Variants in PCSK5 observed in about 807,000 individuals in gnomAD.
PCSK5 encodes prohormone convertase 5.
Under a neutral mutation model 233.2 loss-of-function variants are expected in PCSK5, and 129 were observed. The ratio of observed to expected loss-of-function variants is 0.55; its 90% confidence interval spans 0.48 to 0.64. PCSK5 has a LOEUF of 0.64. PCSK5 is among the 30% of genes least tolerant of loss of function. The pLI, the probability that PCSK5 is intolerant of heterozygous loss-of-function variation, is 0.00. For missense variants in PCSK5, 2,076 were observed against 2,430.1 expected (o/e 0.85, Z 3.06); for synonymous variants, 825 against 879.2 (o/e 0.94, Z 1.09).
chr9:76,177,192 G>A (rs898261019), intron 14 of PCSK5, among the ~76,000 whole-genome samples: 1 of 152,080 alleles, frequency 6.6e-6, no homozygotes, highest in Non-Finnish European at 1.5e-5. Flanking sequence ...TACTGGAGAG[G>A]CTGAGGCACA....
intron 24 of PCSK5, among the ~76,000 whole-genome samples, chr9:76,264,377 A>G (rs1827271716): frequency 6.6e-6 from 1 of 152,118 alleles, no homozygotes; most frequent in Admixed American, 6.6e-5. Context: ...CTAGGAAGCA[A>G]CATTCTGGAT....
chr9:76,043,524 C>A (rs1829224509), intron 5 of PCSK5, among the ~76,000 whole-genome samples: 1 of 151,730 alleles, frequency 6.6e-6, no homozygotes, highest in African/African-American at 2.4e-5. Flanking sequence ...TATGAATTAA[C>A]CTTTGATTTG....
intron 4 of PCSK5, among the ~76,000 whole-genome samples, chr9:76,026,567 G>C (rs557750037): frequency 6.6e-6 from 1 of 152,144 alleles, no homozygotes; most frequent in Non-Finnish European, 1.5e-5. Context: ...AGTAGGGAGA[G>C]AGTCTATGGA....
intron 20 of PCSK5, among the ~76,000 whole-genome samples, chr9:76,217,475 C>T (rs1825578500): frequency 2.0e-5 from 3 of 152,300 alleles, no homozygotes; most frequent in South Asian, 4.1e-4. Context: ...ATCCATCTGG[C>T]CATTTTCTTA....
intron 27 of PCSK5, among the ~76,000 whole-genome samples, chr9:76,297,970 C>G (rs1015458239): frequency 2.0e-5 from 3 of 152,196 alleles, no homozygotes; most frequent in African/African-American, 4.8e-5. Context: ...ATTTCAGAGA[C>G]AGAGCCGAGA....
chr9:76,156,909 G>C lies in PCSK5; in HGVS notation c.1313-136G>C, dbSNP rs1480166765. 8.6e-5 allele frequency: 58 copies of C among 673,714 alleles called. 1 individual carries two copies. The East Asian group carries it at 1.1e-3, about 12-fold the overall frequency. 41.7% of individuals were successfully genotyped at this position (673,714 alleles called of 1,614,324 possible). ...CTTGACATGACTATGTATTTGTTTT[G>C]CTGGATTTATTTCTCAAATCATTGC... On this transcript the variant is annotated intron_variant, in intron 10 of 37. Coordinates refer to ENST00000674117, the MANE Select transcript of PCSK5 (RefSeq NM_001372043.1).
rs574037799 is a variant in PCSK5, at chr9:76,064,547, G to C, written c.633-3408G>C. ...CTCCCTCCCGGACGGGGTGGCTGCC[G>C]GGCGGAGACGCTCCTCACTTCCCAG... On this transcript the variant is annotated intron_variant, in intron 5 of 37. Coordinates refer to ENST00000674117, the MANE Select transcript of PCSK5 (RefSeq NM_001372043.1). Among the ~76,000 whole-genome samples the C allele has an allele frequency of 4.0e-3, 602 of 150,168 alleles. 3 individuals carry two copies. The highest frequency in any genetic ancestry group is 0.024 in the South Asian group (112 of 4,758).
chr9:76,046,160 G>GTTTTTTTTTTTTGTTT (rs1829368683), intron 5 of PCSK5, among the ~76,000 whole-genome samples: 1 of 58,024 alleles, frequency 1.7e-5, no homozygotes, highest in African/African-American at 6.8e-5. Flanking sequence ...TTTTTCTTTT[G>GTTTTTTTTTTTTGTTT]TTTTTTTTTT....
chr9:76,100,497 C>T (rs1396368834), intron 8 of PCSK5, among the ~76,000 whole-genome samples: 2 of 152,146 alleles, frequency 1.3e-5, no homozygotes, highest in Non-Finnish European at 2.9e-5. Flanking sequence ...AAAACTAAAG[C>T]TTGAGAAGTT....
chr9:76,096,931 AT>A (rs1587622562), intron 8 of PCSK5, among the ~76,000 whole-genome samples: 1 of 145,154 alleles, frequency 6.9e-6, no homozygotes, highest in African/African-American at 2.6e-5. Flanking sequence ...TTTTATTTTT[AT>A]TTTTTATTTT....
intron 35 of PCSK5, among the ~76,000 whole-genome samples, chr9:76,340,457 C>A (rs1311259687): frequency 1.3e-5 from 2 of 151,062 alleles, no homozygotes; most frequent in African/African-American, 4.9e-5. Flanking sequence ...ACCAGCCTGA[C>A]CAACATGGTG....
intron 25 of PCSK5, 75 bp from the exon 26 acceptor site, chr9:76,295,200 A>C: frequency 7.5e-7 from 1 of 1,327,020 alleles, no homozygotes; most frequent in Non-Finnish European, 1.0e-6. Flanking sequence ...ATAGACATAC[A>C]TAAGGAGATT....
At chr9:76,046,167 T>G (rs946048482) in intron 5 of PCSK5, among the ~76,000 whole-genome samples, 2 of 58,350 alleles carry the variant, frequency 3.4e-5, no homozygotes, top group Non-Finnish European at 6.3e-5. Context: ...TTTGTTTTTT[T>G]TTTTTTTTTT....
intron 5 of PCSK5, among the ~76,000 whole-genome samples, chr9:76,036,451 A>G (rs1430740229): frequency 6.6e-6 from 1 of 152,168 alleles, no homozygotes; most frequent in Non-Finnish European, 1.5e-5. Context: ...CTGCTTTTAG[A>G]GGAGACCTAG....
intron 2 of PCSK5, among the ~76,000 whole-genome samples, chr9:75,962,762 G>C (rs185838027): frequency 6.6e-6 from 1 of 152,302 alleles, no homozygotes; most frequent in East Asian, 1.9e-4. Flanking sequence ...ACTGATGTCA[G>C]GAAGACATCA....
At chr9:76,257,125 T>A (rs1427059934) in intron 24 of PCSK5, among the ~76,000 whole-genome samples, 1 of 152,188 alleles carries the variant, frequency 6.6e-6, no homozygotes, top group Non-Finnish European at 1.5e-5. Flanking sequence ...CACCACTGTG[T>A]CACAGCACTT....
rs530227568 is a variant in PCSK5 at position 76,154,678 on chromosome 9, A to G, written c.1313-2367A>G. Among the ~76,000 whole-genome samples the G allele has an allele frequency of 9.8e-5, 15 of 152,308 alleles. No homozygotes were observed. In the South Asian group the frequency reaches 3.1e-3, roughly 32 times the overall value. On this transcript the variant is annotated intron_variant, in intron 10 of 37. Transcript: ENST00000674117. The stretch of plus-strand genomic sequence containing the variant: ...ACACTAGCATGGGGTATATTTAAGG[A>G]CTGATCGGAGGTAGAGCTCCTGACA...
At chr9:75,964,085 T>C (rs1809333257) in intron 2 of PCSK5, among the ~76,000 whole-genome samples, 1 of 152,222 alleles carries the variant, frequency 6.6e-6, no homozygotes, top group African/African-American at 2.4e-5. Flanking sequence ...TTCGAAGCTA[T>C]GTAGGGAGAG....
intron 35 of PCSK5, among the ~76,000 whole-genome samples, chr9:76,348,163 C>A (rs1026222183): frequency 5.9e-5 from 9 of 152,054 alleles, no homozygotes; most frequent in African/African-American, 2.2e-4. Flanking sequence ...AATCCCAGCA[C>A]TTTGGGAGGC....
Sources: gnomAD v4.1 joint callset for allele counts (sites outside exome capture counted in the v4.1 genomes callset) on GRCh38, gnomAD v4.1.1 for gene constraint, MANE v1.5 for transcripts, NCBI Gene and HGNC (gene_info 2026-07-23, HGNC 2026-07-21) for gene names.